The following SLC28A1 variants were observed in gnomAD, a reference collection of about 807,000 sequenced individuals.
SLC28A1 encodes the protein sodium/nucleoside cotransporter 1.
In SLC28A1, 64 loss-of-function variants were observed where a neutral mutation model predicts 74.8. That is an observed-to-expected ratio of 0.86 (90% CI 0.70 to 1.05). The LOEUF is 1.05. SLC28A1 is among the 50% of genes least tolerant of loss of function. SLC28A1 has a pLI of 0.00. For missense variants in SLC28A1, 828 were observed against 822.8 expected, an observed-to-expected ratio of 1.01 and a Z score of -0.08; for synonymous variants, 359 against 335.0, an observed-to-expected ratio of 1.07 and a Z score of -0.78.
chr15:84,894,593 C>T (rs1286019813), intron 5 of SLC28A1, among the ~76,000 whole-genome samples: 3 of 152,168 alleles, frequency 2.0e-5, no homozygotes, highest in Non-Finnish European at 2.9e-5. Context: ...CTCCTTCCTC[C>T]GTGGGGCCTA....
At chr15:84,894,515 T>C (rs561603219) in intron 5 of SLC28A1, among the ~76,000 whole-genome samples, 5 of 152,140 alleles carry the variant, frequency 3.3e-5, no homozygotes, top group Non-Finnish European at 5.9e-5. Context: ...TGCTCATTGA[T>C]GAACATTTCA....
chr15:84,928,571 T>TCTCTCTCC (rs1567172127), intron 12 of SLC28A1, among the ~76,000 whole-genome samples: 2 of 16,924 alleles, frequency 1.2e-4, no homozygotes, highest in Admixed American at 4.5e-4. Flanking sequence ...TCTTTCTTTC[T>TCTCTCTCC]TTCTTTCTTT....
intron 6 of SLC28A1, among the ~76,000 whole-genome samples, chr15:84,897,404 CCAAA>C (rs200195408): frequency 0.012 from 1,818 of 151,928 alleles, 36 homozygotes; most frequent in African/African-American, 0.042. Context: ...AAAATCCAAA[CCAAA>C]CAAACAAACA....
chr15:84,925,296 G>A (rs1041860948), intron 12 of SLC28A1, among the ~76,000 whole-genome samples: 2 of 151,848 alleles, frequency 1.3e-5, no homozygotes, highest in South Asian at 2.1e-4. Flanking sequence ...CATCACCTGC[G>A]AACTTGTTAG....
At chr15:84,913,674 A>G (rs1369432973) in intron 9 of SLC28A1, among the ~76,000 whole-genome samples, 2 of 152,254 alleles carry the variant, frequency 1.3e-5, no homozygotes, top group Non-Finnish European at 2.9e-5. Context: ...TGGTACTAGC[A>G]GGACCAGCCT....
chr15:84,940,721 A>G (rs1219484646), intron 15 of SLC28A1: 1 of 160,526 alleles, frequency 6.2e-6, no homozygotes, highest in Non-Finnish European at 1.4e-5. Context: ...CTTATTCTCC[A>G]CAGCGGTTTT....
Position 84,893,367 on chromosome 15 carries a change from G to A in SLC28A1, c.278-1573G>A, listed in dbSNP as rs193016219. On this transcript the variant is annotated intron_variant, in intron 5 of 18. Transcript: ENST00000394573. ...GGCCGGTGCCAGCAGCCCCAGCACC[G>A]CTCTGTGGGGCTCCACCCGTGTGTC... 3.9e-5 allele frequency among the ~76,000 whole-genome samples: 6 copies of A among 152,288 alleles called. No individual in the cohort carries two copies. The East Asian group carries it at 5.8e-4, about 15-fold the overall frequency.
At chr15:84,933,791 A>T (rs891545954) in intron 13 of SLC28A1, among the ~76,000 whole-genome samples, 1 of 152,208 alleles carries the variant, frequency 6.6e-6, no homozygotes, top group Admixed American at 6.5e-5. Flanking sequence ...CCTGGCCAAC[A>T]TGGTGAAACC....
chr15:84,908,843 C>T (rs138954946), intron 9 of SLC28A1, 48 bp downstream of exon 9: 20,666 of 1,485,724 alleles, frequency 0.014, 163 homozygotes, highest in Non-Finnish European at 0.017. Flanking sequence ...CACCGCCCAG[C>T]GACTCCAGCT....
chr15:84,966,782 C>T, the SLC28A1 span, among the ~76,000 whole-genome samples: 1 of 152,108 alleles, frequency 6.6e-6, no homozygotes, highest in Non-Finnish European at 1.5e-5. Flanking sequence ...ACAGGAAAGA[C>T]CTGCCCCATG....
At chr15:84,962,346 T>C in the SLC28A1 span, among the ~76,000 whole-genome samples, 6 of 152,010 alleles carry the variant, frequency 3.9e-5, no homozygotes, top group Admixed American at 3.3e-4. Flanking sequence ...AGTATTAGGA[T>C]TATAGGTGTG....
chr15:84,896,963 C>T (rs1248849599), intron 6 of SLC28A1, among the ~76,000 whole-genome samples: 4 of 152,136 alleles, frequency 2.6e-5, no homozygotes, highest in African/African-American at 7.2e-5. Flanking sequence ...ACTGCTAGGG[C>T]GGATGGGAAG....
At chr15:84,884,909 G>A (rs1258036741) in intron 1 of SLC28A1, among the ~76,000 whole-genome samples, 158 bp downstream of exon 1, 1 of 152,182 alleles carries the variant, frequency 6.6e-6, no homozygotes, top group Non-Finnish European at 1.5e-5. Context: ...GCCCATCCCT[G>A]TGGTGGCCAC....
intron 11 of SLC28A1, among the ~76,000 whole-genome samples, chr15:84,923,091 G>C (rs7166680): frequency 0.75 from 114,625 of 151,970 alleles, 43,625 homozygotes; most frequent in African/African-American, 0.83. Context: ...ACATGTGTCA[G>C]CATGCCCGGC....
At position 84,889,918 on chromosome 15, in the gene SLC28A1, G is replaced by A. The variant is rs376805311; in HGVS notation, c.186-525G>A. ...TGCCTGGGCTGGAGTGCAGTGGCAC[G>A]AACCCTTCCTGGGCTCAAGAGATTC... On this transcript the variant is annotated intron_variant, in intron 4 of 18. Transcript: ENST00000394573. Among the ~76,000 whole-genome samples the A allele has an allele frequency of 1.3e-4, 20 of 149,020 alleles. No homozygotes were observed. The East Asian group carries it at 2.2e-3, about 16-fold the overall frequency.
intron 12 of SLC28A1, among the ~76,000 whole-genome samples, chr15:84,930,822 T>C (rs929628366): frequency 6.6e-5 from 10 of 151,422 alleles, no homozygotes; most frequent in Admixed American, 2.6e-4. Context: ...TGGGCTGGAG[T>C]GCAATAGTGC....
Position 84,895,137 on chromosome 15 carries a change from C to G in SLC28A1, c.461+14C>G, listed in dbSNP as rs1965836845. 2 of 1,613,536 alleles carry G rather than the reference C, an allele frequency of 1.2e-6. No homozygotes were observed. Among genetic ancestry groups the G allele is most frequent in the South Asian group, 2.2e-5 (2 of 91,068 alleles). On this transcript the variant is annotated intron_variant, in intron 6 of 18. Coordinates refer to ENST00000394573, the MANE Select transcript of SLC28A1 (RefSeq NM_004213.5). ...CTGGTTTAAGAGGTGAGTGAGCTCA[C>G]AGCCCCGAGGCAGGGCAGGGGAGGG...
chr15:84,926,045 T>C (rs1970470518), intron 12 of SLC28A1, among the ~76,000 whole-genome samples: 1 of 147,792 alleles, frequency 6.8e-6, no homozygotes, highest in South Asian at 2.1e-4. Flanking sequence ...TATATAATAT[T>C]TTGTTTTTTT....
intron 12 of SLC28A1, among the ~76,000 whole-genome samples, chr15:84,930,298 G>A (rs1971113825): frequency 6.6e-6 from 1 of 152,218 alleles, no homozygotes; most frequent in Non-Finnish European, 1.5e-5. Flanking sequence ...AGCAGGGGAA[G>A]TCCCAAAGCC....
Sources: gnomAD v4.1 joint callset for allele counts (sites outside exome capture counted in the v4.1 genomes callset) on GRCh38, gnomAD v4.1.1 for gene constraint, MANE v1.5 for transcripts, NCBI Gene and HGNC (gene_info 2026-07-23, HGNC 2026-07-21) for gene names.